Variants in GRIK5 observed in about 807,000 individuals in gnomAD.
The protein encoded by GRIK5 is glutamate ionotropic receptor kainate type subunit 5.
In GRIK5, 43 loss-of-function variants were observed where a neutral mutation model predicts 97.4. The observed-to-expected ratio is 0.44, with a 90% confidence interval of 0.35 to 0.57. The LOEUF is 0.57. Among genes scored for constraint, GRIK5 ranks in the 20% least tolerant of loss-of-function variants. GRIK5 has a pLI of 0.01. For missense variants in GRIK5, 1,015 were observed against 1,382.0 expected, an observed-to-expected ratio of 0.73 and a Z score of 4.21; for synonymous variants, 580 against 583.5, an observed-to-expected ratio of 0.99 and a Z score of 0.09.
At chr19:42,047,988 A>AAAAAG (rs2076064733) in intron 11 of GRIK5, among the ~76,000 whole-genome samples, 2 of 151,504 alleles carry the variant, frequency 1.3e-5, no homozygotes, top group African/African-American at 4.8e-5. Context: ...AAAAAAAAAA[A>AAAAAG]AAAAGAAAAA....
Position 42,003,305 on chromosome 19 carries a change from G to GCGCCCC in GRIK5, c.2514+26_2514+27insGGGGCG. Reference sequence around the variant, plus strand: ...TCAGCCCCTGGGGGTCCCTGTTCCTGCCCACCCCCACCCCCAGCCTCCTCA... The same window carrying GCGCCCC: ...TCAGCCCCTGGGGGTCCCTGTTCCTGCGCCCCCCCACCCCCACCCCCAGCCTCCTCA... On this transcript the variant is annotated intron_variant, in intron 19 of 19. Coordinates refer to ENST00000593562, the MANE Select transcript of GRIK5 (RefSeq NM_002088.5). The surrounding 1 kb of genome is among the most constrained non-coding windows in gnomAD (Gnocchi z 4.2). The GCGCCCC allele has an allele frequency of 6.5e-7, 1 of 1,540,746 alleles. No homozygotes were observed. Among genetic ancestry groups the GCGCCCC allele is most frequent in the Non-Finnish European group, 8.9e-7 (1 of 1,118,206 alleles).
chr19:42,008,929 A>C (rs2075526019), intron 15 of GRIK5, among the ~76,000 whole-genome samples: 1 of 152,214 alleles, frequency 6.6e-6, no homozygotes, highest in Non-Finnish European at 1.5e-5. Context: ...GGCAGCAGAA[A>C]AGATGAGGGA....
chr19:42,008,110 C>T (rs1185871270), intron 15 of GRIK5, among the ~76,000 whole-genome samples: 3 of 151,942 alleles, frequency 2.0e-5, no homozygotes, highest in Admixed American at 6.5e-5. Flanking sequence ...TGGCCACTCC[C>T]GGGTTCAAGT....
intron 8 of GRIK5, among the ~76,000 whole-genome samples, chr19:42,055,210 A>G (rs1332000094): frequency 6.6e-6 from 1 of 152,150 alleles, no homozygotes; most frequent in Non-Finnish European, 1.5e-5. Flanking sequence ...TGTGCTTGTT[A>G]GGGTGTGCCC....
chr19:42,056,604 GC>G, intron 8 of GRIK5, 57 bp downstream of exon 8: 1 of 1,497,798 alleles, frequency 6.7e-7, no homozygotes, highest in Non-Finnish European at 9.2e-7. Context: ...CTGAAAGGGG[GC>G]CCCAGAAGTA....
chr19:42,022,025 T>A lies in GRIK5; in HGVS notation c.1619A>T (p.Asp540Val). The A allele has an allele frequency of 6.2e-7, 1 of 1,613,080 alleles. No homozygotes were observed. The highest frequency in any genetic ancestry group is 8.5e-7 in the Non-Finnish European group (1 of 1,179,610). ...GAGCCACACAGCAGGGGAGAAGGGGTCCAGGAAGGAGAAGTAGCCAGGCTT... is the reference window on the plus strand; with the variant it reads ...GAGCCACACAGCAGGGGAGAAGGGGACCAGGAAGGAGAAGTAGCCAGGCTT... ...GRKPGYFSFL[D>V]PFSPAVWLFM... is the part of the protein sequence containing the mutation. Residue 540 changes from aspartate (D) to valine (V), a missense_variant, in exon 14 of 20, where the codon GAC (aspartate) becomes GTC (valine). Coordinates refer to ENST00000593562, the MANE Select transcript of GRIK5 (RefSeq NM_002088.5). This position sits in a 1 kb window ranked among gnomAD's most constrained non-coding sequence, Gnocchi z 4.2.
intron 9 of GRIK5, 81 bp downstream of exon 9, chr19:42,054,239 G>A: frequency 3.4e-6 from 5 of 1,453,826 alleles, no homozygotes; most frequent in Non-Finnish European, 4.7e-6. Flanking sequence ...GAGGGCAGAG[G>A]GCCACAGGGT....
chr19:42,017,681 C>T (rs1395559610), intron 15 of GRIK5, among the ~76,000 whole-genome samples: 1 of 152,044 alleles, frequency 6.6e-6, no homozygotes, highest in African/African-American at 2.4e-5. Context: ...GCTAACCGGG[C>T]GAATGCTGCC....
chr19:42,012,183 C>T (rs2146029745), intron 15 of GRIK5, among the ~76,000 whole-genome samples: 1 of 152,080 alleles, frequency 6.6e-6, no homozygotes, highest in South Asian at 2.1e-4. Context: ...CTAAGAATGG[C>T]TTTTACATAT....
chr19:42,055,532 G>C (rs1210157141), intron 8 of GRIK5, among the ~76,000 whole-genome samples: 1 of 152,130 alleles, frequency 6.6e-6, no homozygotes, highest in East Asian at 1.9e-4. Context: ...AAAATAAACA[G>C]AACCCCCTGC....
rs1555870383 is a variant in GRIK5, at chr19:41,999,255, A to T, written c.2559T>A (p.Val853=). The T allele has an allele frequency of 6.6e-7, 1 of 1,524,704 alleles. No homozygotes were observed. The highest frequency in any genetic ancestry group is 1.2e-5 in the South Asian group (1 of 83,524). 94.4% of individuals were successfully genotyped at this position (1,524,704 alleles called of 1,614,324 possible). A position where few individuals can be genotyped will look rare whatever the true frequency, so the allele number is the denominator to read the frequency against. The change falls in exon 20 of 20, where the codon GTT becomes GTA. Residue 853 remains valine, a synonymous_variant. Transcript: ENST00000593562. This position sits in a 1 kb window ranked among gnomAD's most constrained non-coding sequence, Gnocchi z 5.0. The part of the protein sequence containing the change: ...QEMLQELRHA[V]SCRKTSRSRR... ...GGGAACGCGACGTCTTGCGGCAAGA[A>T]ACGGCGTGGCGCAGCTCCTGCAGCA...
At chr19:42,005,237 C>CAAA (rs56825931) in intron 17 of GRIK5, among the ~76,000 whole-genome samples, 78 of 88,232 alleles carry the variant, frequency 8.8e-4, no homozygotes, top group East Asian at 2.0e-3. Flanking sequence ...GACTCCGTCT[C>CAAA]AAAAAAAAAA....
At chr19:42,067,624 A>G (rs2076355245) in intron 1 of GRIK5, among the ~76,000 whole-genome samples, 1 of 152,146 alleles carries the variant, frequency 6.6e-6, no homozygotes, top group African/African-American at 2.4e-5. Context: ...CAAAGGACAG[A>G]AAGACCGAGG....
At chr19:42,059,284 G>T in intron 6 of GRIK5, 65 bp downstream of exon 6, 1 of 1,328,684 alleles carries the variant, frequency 7.5e-7, no homozygotes, top group Non-Finnish European at 1.1e-6. Context: ...GGCATTGGGT[G>T]ACTTGCTCGG....
intron 11 of GRIK5, among the ~76,000 whole-genome samples, chr19:42,050,982 G>C (rs939024801): frequency 6.6e-6 from 1 of 152,166 alleles, no homozygotes; most frequent in Admixed American, 6.5e-5. Context: ...ACGCAGACCC[G>C]TTGTATAGAT....
At position 42,061,688 on chromosome 19, in the gene GRIK5, C is replaced by T. The variant is rs2076261466; in HGVS notation, c.508+800G>A. 2.0e-5 allele frequency among the ~76,000 whole-genome samples: 3 copies of T among 152,176 alleles called. No individual in the cohort carries two copies. In the South Asian group the frequency reaches 6.2e-4, roughly 32 times the overall value. On this transcript the variant is annotated intron_variant, in intron 5 of 19. Transcript: ENST00000593562. ...CATCCCTAGCCCCACCCTCTTCTTTCCCTCACGCCTCTCACATCACCCTGG... is the reference window on the plus strand; with the variant it reads ...CATCCCTAGCCCCACCCTCTTCTTTTCCTCACGCCTCTCACATCACCCTGG...
intron 11 of GRIK5, among the ~76,000 whole-genome samples, chr19:42,048,510 C>T (rs2076071808): frequency 1.3e-5 from 2 of 152,168 alleles, no homozygotes; most frequent in Admixed American, 1.3e-4. Context: ...GTCCCAGCTA[C>T]TTGGGAGGCT....
At position 42,054,490 on chromosome 19, in the gene GRIK5, CG is replaced by C. The variant is rs760333563; in HGVS notation, c.904-19del. ...GCTGACAGCTGCGGTGGGACAGAGGCGGGGGTGGGATGGATAAGAGGCTGCC... is the reference window on the plus strand; with the variant it reads ...GCTGACAGCTGCGGTGGGACAGAGGCGGGGTGGGATGGATAAGAGGCTGCC... On this transcript the variant is annotated intron_variant, in intron 8 of 19. Transcript: ENST00000593562. 1 of 1,593,396 alleles carries C rather than the reference CG, an allele frequency of 6.3e-7. No individual in the cohort carries two copies.
intron 11 of GRIK5, 116 bp downstream of exon 11, chr19:42,053,486 C>T: frequency 3.0e-6 from 2 of 664,772 alleles, no homozygotes; most frequent in Non-Finnish European, 5.4e-6. Context: ...TGCAGGAATC[C>T]CAGCCCCCAC....
Sources: gnomAD v4.1 joint callset for allele counts (sites outside exome capture counted in the v4.1 genomes callset) on GRCh38, gnomAD v4.1.1 for gene constraint, Gnocchi (gnomAD v3.1) non-coding constraint, MANE v1.5 for transcripts, NCBI Gene and HGNC (gene_info 2026-07-23, HGNC 2026-07-21) for gene names.